The following STARD13 variants were observed in gnomAD, a reference collection of about 807,000 sequenced individuals.
STARD13 encodes the protein StAR related lipid transfer domain containing 13.
Under a neutral mutation model 106.4 loss-of-function variants are expected in STARD13, and 62 were observed. The observed-to-expected ratio is 0.58, with a 90% confidence interval of 0.48 to 0.72. The LOEUF (loss-of-function observed/expected upper bound fraction) is 0.72, where lower values mean the gene tolerates loss of function less well. Among genes scored for constraint, STARD13 ranks in the 30% least tolerant of loss-of-function variants. STARD13 has a pLI of 0.00. For synonymous variants in STARD13, 565 were observed against 553.0 expected (o/e 1.02, Z -0.31); for missense variants, 1,387 against 1,424.0 (o/e 0.97, Z 0.42).
chr13:33,322,776 G>A (rs1385978669), intron 1 of STARD13, among the ~76,000 whole-genome samples: 4 of 152,130 alleles, frequency 2.6e-5, no homozygotes, highest in Admixed American at 1.3e-4. Flanking sequence ...AACCTAAGTC[G>A]ATATTTGCTA....
chr13:33,177,851 AAGG>A (rs1469923864), intron 1 of STARD13, among the ~76,000 whole-genome samples: 1 of 13,882 alleles, frequency 7.2e-5, no homozygotes, highest in African/African-American at 7.5e-4. Context: ...GAAAGGAAGG[AAGG>A]AAGGAAGGAA....
At chr13:33,565,329 G>A in the STARD13 span, among the ~76,000 whole-genome samples, 1 of 147,358 alleles carries the variant, frequency 6.8e-6, no homozygotes, top group Non-Finnish European at 1.5e-5. Flanking sequence ...AAAGAGCTAG[G>A]AGAGAACAAT....
chr13:33,322,130 T>C (rs1893584058), intron 1 of STARD13, among the ~76,000 whole-genome samples: 1 of 152,234 alleles, frequency 6.6e-6, no homozygotes, highest in Non-Finnish European at 1.5e-5. Flanking sequence ...TAACAAGTAT[T>C]ATAGCTCATT....
At chr13:33,653,572 G>C in the STARD13 span, among the ~76,000 whole-genome samples, 9 of 152,226 alleles carry the variant, frequency 5.9e-5, no homozygotes, top group Middle Eastern at 3.4e-3. Flanking sequence ...AAATTATAAT[G>C]CTCTTAGAAC....
intron 1 of STARD13, among the ~76,000 whole-genome samples, chr13:33,325,560 A>G (rs2077764036): frequency 6.6e-6 from 1 of 152,184 alleles, no homozygotes; most frequent in Non-Finnish European, 1.5e-5. Context: ...GGGCTGAATA[A>G]AACTATCCAA....
At chr13:33,499,595 TTCTTCTTCTTTCTTCTTCTTCTTC>T in the STARD13 span, among the ~76,000 whole-genome samples, 1 of 48,112 alleles carries the variant, frequency 2.1e-5, no homozygotes, top group African/African-American at 7.2e-5. Context: ...CTTCTTCTTC[TTCTTCTTCTTTCTTCTTCTTCTTC>T]TTCTTCTTCT....
chr13:33,165,125 GT>G (rs1385447297), intron 3 of STARD13, among the ~76,000 whole-genome samples: 1 of 151,442 alleles, frequency 6.6e-6, no homozygotes, highest in Non-Finnish European at 1.5e-5. Flanking sequence ...TCCTAATCTA[GT>G]GTCCAAAGGC....
At chr13:33,644,184 T>C in the STARD13 span, among the ~76,000 whole-genome samples, 1 of 152,198 alleles carries the variant, frequency 6.6e-6, no homozygotes, top group Non-Finnish European at 1.5e-5. Flanking sequence ...GTTGAAAGCA[T>C]GGGCTCCAGG....
chr13:33,586,152 C>G, the STARD13 span, among the ~76,000 whole-genome samples: 1 of 151,924 alleles, frequency 6.6e-6, no homozygotes, highest in Non-Finnish European at 1.5e-5. Context: ...TGGAAATGAC[C>G]AAAAAGATTC....
At chr13:33,339,639 T>C (rs1193405709) in intron 1 of STARD13, among the ~76,000 whole-genome samples, 1 of 152,240 alleles carries the variant, frequency 6.6e-6, no homozygotes, top group Non-Finnish European at 1.5e-5. Context: ...ATCAAACACT[T>C]AGCACAAAGC....
chr13:33,134,790 A>G (rs1016220727), intron 4 of STARD13, among the ~76,000 whole-genome samples: 1 of 152,244 alleles, frequency 6.6e-6, no homozygotes, highest in Non-Finnish European at 1.5e-5. Flanking sequence ...ATAAGATAAA[A>G]TTTCATAAAA....
the STARD13 span, among the ~76,000 whole-genome samples, chr13:33,359,158 C>T: frequency 1.3e-5 from 2 of 151,944 alleles, no homozygotes; most frequent in African/African-American, 2.4e-5. Context: ...GTTTTTCGCT[C>T]TTTGCAATAA....
At chr13:33,517,799 C>T in the STARD13 span, among the ~76,000 whole-genome samples, 19 of 152,182 alleles carry the variant, frequency 1.2e-4, no homozygotes, top group Non-Finnish European at 2.2e-4. Context: ...TGATATTTTT[C>T]GGACAAATAA....
At chr13:33,344,348 C>G (rs1346473594), downstream of STARD13, among the ~76,000 whole-genome samples, 1 of 152,042 alleles carries the variant, frequency 6.6e-6, no homozygotes, top group African/African-American at 2.4e-5. Context: ...AGTATCATCT[C>G]AAAAGATGTT....
chr13:33,227,022 C>CTTAA (rs1330241497), intron 1 of STARD13, among the ~76,000 whole-genome samples: 89 of 152,296 alleles, frequency 5.8e-4, no homozygotes, highest in Non-Finnish European at 1.1e-3. Flanking sequence ...GATTAAGAAC[C>CTTAA]TCTGCCCCAG....
chr13:33,364,530 G>A, the STARD13 span, among the ~76,000 whole-genome samples: 1 of 152,132 alleles, frequency 6.6e-6, no homozygotes, highest in Non-Finnish European at 1.5e-5. Context: ...TCCCATCTAG[G>A]GGAAAAATAC....
At chr13:33,371,142 G>C in the STARD13 span, among the ~76,000 whole-genome samples, 1 of 152,162 alleles carries the variant, frequency 6.6e-6, no homozygotes, top group East Asian at 1.9e-4. Context: ...TGAGCAAAGA[G>C]ATACTCTGAA....
chr13:33,512,094 T>C, the STARD13 span, among the ~76,000 whole-genome samples: 20 of 152,290 alleles, frequency 1.3e-4, no homozygotes, highest in East Asian at 3.7e-3. Context: ...TTTTGGAGAA[T>C]GTATTCCAGA....
chr13:33,110,987 C>A, intron 10 of STARD13, 80 bp from the exon 11 acceptor site: 2 of 1,318,608 alleles, frequency 1.5e-6, no homozygotes, highest in Non-Finnish European at 2.2e-6. Context: ...GCCATTTCAC[C>A]CACAACCCGG....
Sources: gnomAD v4.1 joint callset for allele counts (sites outside exome capture counted in the v4.1 genomes callset) on GRCh38, gnomAD v4.1.1 for gene constraint, MANE v1.5 for transcripts, NCBI Gene and HGNC (gene_info 2026-07-23, HGNC 2026-07-21) for gene names.